Variants in RREB1 observed in about 807,000 individuals in gnomAD.
RREB1 encodes ras-responsive element-binding protein 1.
RREB1 carries 27 observed loss-of-function variants against 117.8 expected under a neutral mutation model. That is an observed-to-expected ratio of 0.23 (90% CI 0.17 to 0.32). RREB1 has a LOEUF of 0.32. Ranked by LOEUF, RREB1 falls within the 10% of genes least tolerant of loss-of-function variation. The pLI, the probability that RREB1 is intolerant of heterozygous loss-of-function variation, is 1.00. For missense variants in RREB1, 2,577 were observed against 2,378.2 expected (o/e 1.08, Z -1.74); for synonymous variants, 1,298 against 1,026.7 (o/e 1.26, Z -5.05).
At chr6:7,184,670 CTGGGG>C (rs1366731226) in intron 4 of RREB1, 2 of 152,130 alleles carry the variant, frequency 1.3e-5, no homozygotes, top group Non-Finnish European at 2.9e-5. Flanking sequence ...TCAGAGAAGG[CTGGGG>C]TGTCAGTTCA....
intron 2 of RREB1, among the ~76,000 whole-genome samples, chr6:7,177,218 C>CAAAAAAAA (rs552706086): frequency 2.9e-5 from 1 of 34,922 alleles, no homozygotes; most frequent in Non-Finnish European, 6.4e-5. Flanking sequence ...GACTGTCTCA[C>CAAAAAAAA]AAAAAAAAAA....
intron 1 of RREB1, among the ~76,000 whole-genome samples, chr6:7,162,492 C>T (rs754377428): frequency 2.5e-4 from 38 of 152,028 alleles, no homozygotes; most frequent in Non-Finnish European, 5.1e-4. Flanking sequence ...ACTCCAGGTT[C>T]CCTGGAGTTG....
rs9505051 is a variant in RREB1, at chr6:7,160,675, A to C, written c.-284-15980A>C. Among the ~76,000 whole-genome samples the C allele has an allele frequency of 4.4e-3, 670 of 151,358 alleles. 6 individuals carry two copies. The highest frequency in any genetic ancestry group is 0.017 in the Middle Eastern group (5 of 292). The stretch of plus-strand genomic sequence containing the variant: ...CAGGCGCACAACACCACACCTGGAT[A>C]ACTTTTTTTTTTTCTTTTTTTTTTC... On this transcript the variant is annotated intron_variant, in intron 1 of 12. Transcript: ENST00000379938.
chr6:7,163,414 AAG>A (rs1260406810), intron 1 of RREB1, among the ~76,000 whole-genome samples: 4 of 151,780 alleles, frequency 2.6e-5, no homozygotes, highest in African/African-American at 9.7e-5. Flanking sequence ...TTTATTGAGA[AAG>A]AGTCTTGCTC....
intron 2 of RREB1, among the ~76,000 whole-genome samples, chr6:7,180,572 A>T (rs997000458): frequency 1.3e-5 from 2 of 152,240 alleles, no homozygotes; most frequent in Admixed American, 6.5e-5. Context: ...TACTGACTGG[A>T]CCTGTAGCCA....
At chr6:7,141,263 G>C (rs1014853504) in intron 1 of RREB1, among the ~76,000 whole-genome samples, 1 of 152,150 alleles carries the variant, frequency 6.6e-6, no homozygotes, top group African/African-American at 2.4e-5. Flanking sequence ...GTGTTCGTTC[G>C]CGCTGGCGTT....
chr6:7,203,762 A>C (rs76207590), intron 6 of RREB1, among the ~76,000 whole-genome samples: 18,460 of 152,254 alleles, frequency 0.12, 1,571 homozygotes, highest in Non-Finnish European at 0.18. Context: ...GACGTTCTCT[A>C]TTCTGGGGAC....
At chr6:7,174,452 G>A (rs955666783) in intron 1 of RREB1, among the ~76,000 whole-genome samples, 30 of 151,878 alleles carry the variant, frequency 2.0e-4, no homozygotes, top group African/African-American at 6.5e-4. Context: ...GACGCTACCC[G>A]GTGGACCTTT....
At chr6:7,138,977 G>C (rs916495004) in intron 1 of RREB1, among the ~76,000 whole-genome samples, 4 of 152,094 alleles carry the variant, frequency 2.6e-5, no homozygotes, top group African/African-American at 9.7e-5. Context: ...TTTGTGTATG[G>C]TTTCTAGCCA....
Position 7,240,616 on chromosome 6 carries a change from G to A in RREB1, c.3973+14G>A. ...ATGATAGCACAGGTAGTGCCGCCAG[G>A]TGAACAAGAACCCAGGAAGAGGGAG... On this transcript the variant is annotated intron_variant, in intron 11 of 12. Coordinates refer to ENST00000379938, the MANE Select transcript of RREB1 (RefSeq NM_001003699.4). 3 of 1,603,596 alleles carry A rather than the reference G, an allele frequency of 1.9e-6. No individual in the cohort carries two copies. Among genetic ancestry groups the A allele is most frequent in the Non-Finnish European group, 1.7e-6 (2 of 1,173,386 alleles).
At chr6:7,131,603 T>A (rs895001226) in intron 1 of RREB1, among the ~76,000 whole-genome samples, 1 of 152,198 alleles carries the variant, frequency 6.6e-6, no homozygotes, top group African/African-American at 2.4e-5. Context: ...CCAATACAAG[T>A]GCTCTTCATC....
At chr6:7,219,947 G>A (rs968450157) in intron 8 of RREB1, among the ~76,000 whole-genome samples, 1 of 152,194 alleles carries the variant, frequency 6.6e-6, no homozygotes, top group Non-Finnish European at 1.5e-5. Context: ...AGGAAGGAAG[G>A]GATGGAGGAT....
chr6:7,247,803 G>A (rs1281412964), intron 12 of RREB1, among the ~76,000 whole-genome samples: 1 of 152,164 alleles, frequency 6.6e-6, no homozygotes, highest in African/African-American at 2.4e-5. Context: ...GAGCAGGGGC[G>A]CTTACTTTGA....
intron 8 of RREB1, among the ~76,000 whole-genome samples, chr6:7,220,042 A>G (rs1767149709): frequency 6.6e-6 from 1 of 151,842 alleles, no homozygotes; most frequent in Non-Finnish European, 1.5e-5. Context: ...CCTACCATCT[A>G]CCCTGAGAAC....
chr6:7,176,389 G>A (rs999111607), intron 1 of RREB1, among the ~76,000 whole-genome samples: 1 of 152,126 alleles, frequency 6.6e-6, no homozygotes, highest in Non-Finnish European at 1.5e-5. Context: ...ATTCTCACAT[G>A]GTGCTGCCCT....
intron 1 of RREB1, among the ~76,000 whole-genome samples, chr6:7,129,101 G>A (rs1451469406): frequency 2.0e-5 from 3 of 152,228 alleles, no homozygotes; most frequent in African/African-American, 7.2e-5. Flanking sequence ...CCTTTGGGGA[G>A]TTGACATTAT....
At chr6:7,204,553 C>T (rs1014122477) in intron 6 of RREB1, among the ~76,000 whole-genome samples, 1 of 152,136 alleles carries the variant, frequency 6.6e-6, no homozygotes, top group Admixed American at 6.6e-5. Context: ...AAAGCGAGCA[C>T]CAGGTACGGA....
chr6:7,139,081 C>G (rs1435384921), intron 1 of RREB1, among the ~76,000 whole-genome samples: 2 of 152,160 alleles, frequency 1.3e-5, no homozygotes, highest in East Asian at 1.9e-4. Flanking sequence ...CTGTAAGGCC[C>G]AGAATTGCTT....
chr6:7,165,497 A>G (rs1427992694), intron 1 of RREB1, among the ~76,000 whole-genome samples: 1 of 152,266 alleles, frequency 6.6e-6, no homozygotes, highest in African/African-American at 2.4e-5. Flanking sequence ...TTTCAAAAGT[A>G]TGCCAAAACA....
Sources: gnomAD v4.1 joint callset for allele counts (sites outside exome capture counted in the v4.1 genomes callset) on GRCh38, gnomAD v4.1.1 for gene constraint, MANE v1.5 for transcripts, NCBI Gene and HGNC (gene_info 2026-07-23, HGNC 2026-07-21) for gene names.